GPC5: variants seen among roughly 807,000 people sequenced by gnomAD.
GPC5 encodes the protein glypican 5.
In GPC5, 47 loss-of-function variants were observed where a neutral mutation model predicts 53.9. The observed-to-expected ratio is 0.87, with a 90% CI of 0.69 to 1.11. GPC5 has a LOEUF of 1.11. Ranked by LOEUF, GPC5 falls within the 50% of genes most tolerant of loss-of-function variation. The pLI, the probability that GPC5 is intolerant of heterozygous loss-of-function variation, is 0.00. For synonymous variants in GPC5, 286 were observed against 263.3 expected (o/e 1.09, Z -0.84); for missense variants, 748 against 713.1 (o/e 1.05, Z -0.56).
chr13:92,838,896 C>G (rs1878320717), intron 7 of GPC5, among the ~76,000 whole-genome samples: 1 of 152,106 alleles, frequency 6.6e-6, no homozygotes, highest in African/African-American at 2.4e-5. Context: ...ATCAAGAGAC[C>G]ACAAGCTGCC....
At chr13:91,917,007 A>C (rs1378097353) in intron 6 of GPC5, among the ~76,000 whole-genome samples, 1 of 152,138 alleles carries the variant, frequency 6.6e-6, no homozygotes, top group Admixed American at 6.5e-5. Context: ...TTCAAAACAC[A>C]ATCATGCCTT....
chr13:91,481,226 A>T (rs987378361), intron 2 of GPC5, among the ~76,000 whole-genome samples: 4 of 152,184 alleles, frequency 2.6e-5, no homozygotes, highest in Non-Finnish European at 5.9e-5. Flanking sequence ...GTGGTCCCCA[A>T]ATCTCTTTGT....
At position 91,804,189 on chromosome 13, in the gene GPC5, C is replaced by A. The variant is rs190065257; in HGVS notation, c.1280+47769C>A. On this transcript the variant is annotated intron_variant, in intron 5 of 7. Coordinates refer to ENST00000377067, the MANE Select transcript of GPC5 (RefSeq NM_004466.6). ...TATTTGGGTTTCTATCATTTAGAACCAAAAATAGTACTTTTATTGCTGGTT... is the reference window on the plus strand; with the variant it reads ...TATTTGGGTTTCTATCATTTAGAACAAAAAATAGTACTTTTATTGCTGGTT... Among the ~76,000 whole-genome samples, 220 of 152,172 alleles carry A rather than the reference C, an allele frequency of 1.4e-3. 1 individual carries two copies. The highest frequency in any genetic ancestry group is 5.0e-3 in the African/African-American group (208 of 41,508).
Position 92,260,547 on chromosome 13 carries a change from A to G in GPC5, c.1561+115558A>G, listed in dbSNP as rs142459174. On this transcript the variant is annotated intron_variant, in intron 7 of 7. Transcript: ENST00000377067. ...TTCAGGTCTGTGCTCCTTGCCTTACATCCTGTTTTCACCCCCACTGCACCC... is the reference window on the plus strand; with the variant it reads ...TTCAGGTCTGTGCTCCTTGCCTTACGTCCTGTTTTCACCCCCACTGCACCC... Among the ~76,000 whole-genome samples the G allele has an allele frequency of 8.0e-3, 1,213 of 152,096 alleles. 25 individuals are homozygous for G. Among genetic ancestry groups the G allele is most frequent in the African/African-American group, 0.028 (1,182 of 41,510 alleles).
chr13:91,717,195 C>T (rs1049309322), intron 3 of GPC5, among the ~76,000 whole-genome samples: 4 of 152,134 alleles, frequency 2.6e-5, no homozygotes, highest in African/African-American at 4.8e-5. Context: ...AGGGTGACTC[C>T]GGAGACTGTA....
At chr13:91,554,299 C>T (rs2030816916) in intron 2 of GPC5, among the ~76,000 whole-genome samples, 1 of 152,016 alleles carries the variant, frequency 6.6e-6, no homozygotes, top group South Asian at 2.1e-4. Context: ...TACACAGACT[C>T]ACAGACACAG....
intron 2 of GPC5, among the ~76,000 whole-genome samples, chr13:91,514,373 T>G (rs946961662): frequency 6.6e-6 from 1 of 152,190 alleles, no homozygotes; most frequent in Non-Finnish European, 1.5e-5. Flanking sequence ...TGTGTTTAAT[T>G]TGCATTTCCC....
At chr13:91,681,032 T>C (rs907109963) in intron 2 of GPC5, among the ~76,000 whole-genome samples, 3 of 151,576 alleles carry the variant, frequency 2.0e-5, no homozygotes, top group Admixed American at 6.6e-5. Flanking sequence ...TATGTATTTC[T>C]ATATATATAT....
intron 7 of GPC5, among the ~76,000 whole-genome samples, chr13:92,838,300 C>T (rs1427571937): frequency 2.6e-5 from 4 of 151,064 alleles, no homozygotes; most frequent in Non-Finnish European, 4.4e-5. Context: ...CTGGCTAACA[C>T]CGTGAAACCC....
At chr13:92,236,530 CT>C (rs532575424) in intron 7 of GPC5, among the ~76,000 whole-genome samples, 1 of 152,032 alleles carries the variant, frequency 6.6e-6, no homozygotes, top group Non-Finnish European at 1.5e-5. Context: ...ACTTCCCTCA[CT>C]TTTTTTCATA....
chr13:92,076,542 A>G (rs1481504960), intron 6 of GPC5, among the ~76,000 whole-genome samples: 1 of 150,438 alleles, frequency 6.6e-6, no homozygotes, highest in Non-Finnish European at 1.5e-5. Flanking sequence ...GTTTTGCAAT[A>G]ACTTGTGAGG....
chr13:91,951,202 A>G (rs952173323), intron 6 of GPC5, among the ~76,000 whole-genome samples: 2 of 152,196 alleles, frequency 1.3e-5, no homozygotes, highest in African/African-American at 2.4e-5. Context: ...AACAATTTTA[A>G]TAATTATAAA....
chr13:92,231,469 G>A (rs1211475908), intron 7 of GPC5, among the ~76,000 whole-genome samples: 1 of 152,114 alleles, frequency 6.6e-6, no homozygotes, highest in Non-Finnish European at 1.5e-5. Context: ...TCCACTGATA[G>A]ATGCAGAGAC....
chr13:91,788,138 T>C (rs964387715), intron 5 of GPC5, among the ~76,000 whole-genome samples: 2 of 152,248 alleles, frequency 1.3e-5, no homozygotes, highest in Non-Finnish European at 2.9e-5. Flanking sequence ...TATTTATTTC[T>C]TACAGTTTTA....
intron 7 of GPC5, among the ~76,000 whole-genome samples, chr13:92,648,396 T>C (rs1213217154): frequency 2.0e-5 from 3 of 148,750 alleles, no homozygotes; most frequent in Non-Finnish European, 3.0e-5. Context: ...TATAAAAATA[T>C]AAGAAATCTA....
At chr13:91,637,899 G>A (rs1017350064) in intron 2 of GPC5, among the ~76,000 whole-genome samples, 2 of 152,174 alleles carry the variant, frequency 1.3e-5, no homozygotes, top group Admixed American at 6.5e-5. Context: ...TCTGTGAAGC[G>A]GGCTGTCAGC....
intron 6 of GPC5, among the ~76,000 whole-genome samples, chr13:91,975,416 A>C (rs1316294990): frequency 8.5e-5 from 13 of 152,130 alleles, no homozygotes. Flanking sequence ...ACTCAAACAA[A>C]TTTACAAGAA....
chr13:91,724,578 G>T (rs1199169423), intron 3 of GPC5, among the ~76,000 whole-genome samples: 2 of 152,104 alleles, frequency 1.3e-5, no homozygotes, highest in African/African-American at 4.8e-5. Context: ...GGTAGGCACG[G>T]TGTCTCATGC....
chr13:92,632,507 C>G (rs1346834134), intron 7 of GPC5, among the ~76,000 whole-genome samples: 1 of 143,958 alleles, frequency 6.9e-6, no homozygotes, highest in Non-Finnish European at 1.5e-5. Flanking sequence ...TATGCACACA[C>G]ACATATACAT....
Sources: gnomAD v4.1 joint callset for allele counts (sites outside exome capture counted in the v4.1 genomes callset) on GRCh38, gnomAD v4.1.1 for gene constraint, MANE v1.5 for transcripts, NCBI Gene and HGNC (gene_info 2026-07-23, HGNC 2026-07-21) for gene names.